Variants in FRMD5 observed in about 807,000 individuals in gnomAD.
FRMD5 encodes FERM domain containing 5, also known as FERM domain-containing protein 5.
In FRMD5, 20 loss-of-function variants were observed where a neutral mutation model predicts 69.0. That is an observed-to-expected ratio of 0.29 (90% confidence interval 0.20 to 0.42). The LOEUF (loss-of-function observed/expected upper bound fraction) is 0.42, where lower values mean the gene tolerates loss of function less well. FRMD5 is among the 10% of genes least tolerant of loss of function. The pLI is 1.00. For missense variants in FRMD5, 595 were observed against 708.6 expected (o/e 0.84, Z 1.82); for synonymous variants, 271 against 260.1 (o/e 1.04, Z -0.40).
At chr15:43,999,288 G>A (rs1372537053) in intron 1 of FRMD5, among the ~76,000 whole-genome samples, 2 of 152,026 alleles carry the variant, frequency 1.3e-5, no homozygotes, top group Non-Finnish European at 2.9e-5. Context: ...GGCTGGTCTC[G>A]AACTCCTGAC....
chr15:44,115,129 A>G (rs1400781066), intron 1 of FRMD5, among the ~76,000 whole-genome samples: 1 of 152,222 alleles, frequency 6.6e-6, no homozygotes, highest in Non-Finnish European at 1.5e-5. Flanking sequence ...TACCAGTTTG[A>G]ATTCTGTTCT....
intron 1 of FRMD5, among the ~76,000 whole-genome samples, chr15:43,963,766 T>C (rs2090245164): frequency 2.0e-5 from 3 of 152,148 alleles, no homozygotes; most frequent in South Asian, 4.1e-4. Flanking sequence ...GGGACATGGA[T>C]GAAGCTGGAA....
rs146608770 is a variant in FRMD5, at chr15:44,014,535, G to C, written c.103-90226C>G. 1.1e-3 allele frequency among the ~76,000 whole-genome samples: 165 copies of C among 152,216 alleles called. 1 individual carries two copies. Among genetic ancestry groups the C allele is most frequent in the Admixed American group, 3.3e-3 (50 of 15,290 alleles). On this transcript the variant is annotated intron_variant, in intron 1 of 13. Transcript: ENST00000417257. ...GAAGATTGCCTGAGGTCAGGAGTTCGAGACCAGCCTGGCCAACATGGTGAA... is the reference window on the plus strand; with the variant it reads ...GAAGATTGCCTGAGGTCAGGAGTTCCAGACCAGCCTGGCCAACATGGTGAA...
At chr15:43,874,578 T>C in intron 13 of FRMD5, 116 bp from the exon 14 acceptor site, 1 of 715,118 alleles carries the variant, frequency 1.4e-6, no homozygotes, top group Non-Finnish European at 2.4e-6. Context: ...CCAGCAGCAG[T>C]AGCCACTGCA....
rs2089455690 is a variant in FRMD5 at position 43,919,515 on chromosome 15, G to A, written c.273C>T (p.Cys91=). The part of the protein sequence containing the change: ...QLRSQPPFTM[C]FRVKFYPADP... ...CTGCAGGATAAAACTTCACACGGAA[G>A]CACATGGTGAATGGAGGCTGGGCTG... Residue 91 remains cysteine (C), a synonymous_variant, in exon 4 of 14, where the codon TGC becomes TGT. Transcript: ENST00000417257. 3.1e-6 allele frequency: 5 copies of A among 1,614,040 alleles called. No individual in the cohort carries two copies. Among genetic ancestry groups the A allele is most frequent in the Non-Finnish European group, 4.2e-6 (5 of 1,180,026 alleles).
At chr15:44,147,477 G>A (rs556438011) in intron 1 of FRMD5, among the ~76,000 whole-genome samples, 2 of 152,202 alleles carry the variant, frequency 1.3e-5, no homozygotes, top group South Asian at 4.2e-4. Context: ...GGTTTCATAT[G>A]AATTTTAAAG....
intron 1 of FRMD5, among the ~76,000 whole-genome samples, chr15:43,994,333 C>A (rs139217310): frequency 6.6e-6 from 1 of 152,066 alleles, no homozygotes; most frequent in East Asian, 1.9e-4. Context: ...ACTTTGAATG[C>A]GTAAAAAAAC....
At chr15:43,945,332 C>T (rs2089928466) in intron 1 of FRMD5, among the ~76,000 whole-genome samples, 1 of 152,148 alleles carries the variant, frequency 6.6e-6, no homozygotes, top group Non-Finnish European at 1.5e-5. Flanking sequence ...AGTAAAGACT[C>T]CCTTCATTAA....
chr15:44,044,445 G>GCTGC (rs1420542493), intron 1 of FRMD5, among the ~76,000 whole-genome samples: 1 of 150,168 alleles, frequency 6.7e-6, no homozygotes, highest in Admixed American at 6.6e-5. Context: ...GATCATTTTA[G>GCTGC]TATAAAGTCA....
chr15:44,166,783 C>CAAAAAAA (rs1006711939), intron 1 of FRMD5, among the ~76,000 whole-genome samples: 52 of 52,276 alleles, frequency 9.9e-4, no homozygotes, highest in East Asian at 1.3e-3. Flanking sequence ...GACCCTATCT[C>CAAAAAAA]AAAAAAAAAA....
At position 44,040,481 on chromosome 15, in the gene FRMD5, A is replaced by G. The variant is rs191947864; in HGVS notation, c.103-116172T>C. Among the ~76,000 whole-genome samples, 6 of 152,366 alleles carry G rather than the reference A, an allele frequency of 3.9e-5. No homozygotes were observed. The East Asian group carries it at 1.2e-3, about 29-fold the overall frequency. On this transcript the variant is annotated intron_variant, in intron 1 of 13. Transcript: ENST00000417257. Reference sequence around the variant, plus strand: ...CAGCAGATCTCTTGACAGAAACCCTACAAGTCAGAAGACAGTGGGGGCCAA... The same window carrying G: ...CAGCAGATCTCTTGACAGAAACCCTGCAAGTCAGAAGACAGTGGGGGCCAA...
chr15:43,909,489 T>C (rs774814411), intron 5 of FRMD5, among the ~76,000 whole-genome samples: 3 of 150,668 alleles, frequency 2.0e-5, no homozygotes, highest in Admixed American at 6.6e-5. Flanking sequence ...TTTATGTATT[T>C]ATTTATTTGG....
At chr15:44,142,869 T>TCATG (rs1371845040) in intron 1 of FRMD5, among the ~76,000 whole-genome samples, 1 of 152,014 alleles carries the variant, frequency 6.6e-6, no homozygotes, top group African/African-American at 2.4e-5. Flanking sequence ...GGTGGGTGGA[T>TCATG]CATGGGGTCA....
intron 13 of FRMD5, among the ~76,000 whole-genome samples, chr15:43,877,140 C>T (rs1419839168): frequency 6.6e-6 from 1 of 152,160 alleles, no homozygotes; most frequent in Non-Finnish European, 1.5e-5. Flanking sequence ...CACTCCTGGC[C>T]ATCTTGGTGA....
rs904412288 is a variant in FRMD5 at position 43,872,041 on chromosome 15, C to T, written c.*1844G>A. 5.3e-5 allele frequency: 8 copies of T among 152,194 alleles called. No homozygotes were observed. Among genetic ancestry groups the T allele is most frequent in the African/African-American group, 1.2e-4 (5 of 41,442 alleles). The allele number at this position is 152,194 out of a possible 1,614,324, so 9.4% of individuals were successfully genotyped here. On this transcript the variant is annotated 3_prime_UTR_variant, in exon 14 of 14. Transcript: ENST00000417257. The stretch of plus-strand genomic sequence containing the variant: ...CTGTTTTCATAAAGTTTTATTGGAA[C>T]ACAGCCATGTTCCTTCATTTACAAA...
At chr15:43,984,842 G>A (rs1889305894) in intron 1 of FRMD5, among the ~76,000 whole-genome samples, 1 of 152,054 alleles carries the variant, frequency 6.6e-6, no homozygotes, top group Non-Finnish European at 1.5e-5. Context: ...AAATTAGCCA[G>A]GCATGGTGGC....
rs1168442541 is a variant in FRMD5 at position 43,984,143 on chromosome 15, C to T, written c.103-59834G>A. The stretch of plus-strand genomic sequence containing the variant: ...TCCCCATTCATTTTTCATGAACTTA[C>T]ACAACATATCAAAGGGATGATGCTC... On this transcript the variant is annotated intron_variant, in intron 1 of 13. Transcript: ENST00000417257. Among the ~76,000 whole-genome samples, 4 of 152,168 alleles carry T rather than the reference C, an allele frequency of 2.6e-5. No individual in the cohort carries two copies. In the East Asian group the frequency reaches 5.8e-4, roughly 22 times the overall value.
At chr15:43,993,320 G>C (rs1003787231) in intron 1 of FRMD5, among the ~76,000 whole-genome samples, 1 of 152,146 alleles carries the variant, frequency 6.6e-6, no homozygotes, top group African/African-American at 2.4e-5. Flanking sequence ...AGCCTCCCGA[G>C]TAGCTGGGAC....
At chr15:44,177,676 G>A (rs2077922573) in intron 1 of FRMD5, among the ~76,000 whole-genome samples, 1 of 152,154 alleles carries the variant, frequency 6.6e-6, no homozygotes, top group South Asian at 2.1e-4. Flanking sequence ...ACTAAAAACT[G>A]TTGAAATGTA....
Sources: gnomAD v4.1 joint callset for allele counts (sites outside exome capture counted in the v4.1 genomes callset) on GRCh38, gnomAD v4.1.1 for gene constraint, MANE v1.5 for transcripts, NCBI Gene and HGNC (gene_info 2026-07-23, HGNC 2026-07-21) for gene names.